Variants in ZHX2 observed in about 807,000 individuals in gnomAD.
ZHX2 encodes zinc fingers and homeoboxes 2.
A neutral mutation model predicts 21.9 loss-of-function variants in ZHX2; 6 were observed. That is an observed-to-expected ratio of 0.27 (90% CI 0.15 to 0.54). The LOEUF (loss-of-function observed/expected upper bound fraction) is 0.54. Ranked by LOEUF, ZHX2 falls within the 20% of genes least tolerant of loss-of-function variation. The pLI, the probability that ZHX2 is intolerant of heterozygous loss-of-function variation, is 0.95. For missense variants in ZHX2, 908 were observed against 1,090.7 expected, an observed-to-expected ratio of 0.83 and a Z score of 2.36; for synonymous variants, 434 against 437.1, an observed-to-expected ratio of 0.99 and a Z score of 0.09.
intron 1 of ZHX2, among the ~76,000 whole-genome samples, chr8:122,859,188 T>C (rs1460448298): frequency 6.6e-6 from 1 of 152,222 alleles, no homozygotes; most frequent in Non-Finnish European, 1.5e-5. Context: ...CCTTCCAGCA[T>C]GCTGCTTAGT....
chr8:122,930,208 T>A (rs1191423462), intron 2 of ZHX2, among the ~76,000 whole-genome samples: 1 of 152,140 alleles, frequency 6.6e-6, no homozygotes, highest in Non-Finnish European at 1.5e-5. Flanking sequence ...TGGGCTGCAA[T>A]GCACACTCAA....
chr8:122,954,232 T>C (rs956389096), intron 3 of ZHX2, among the ~76,000 whole-genome samples: 6 of 152,242 alleles, frequency 3.9e-5, no homozygotes, highest in African/African-American at 1.4e-4. Flanking sequence ...GATGGCTCAG[T>C]TAAGCTGATT....
intron 2 of ZHX2, among the ~76,000 whole-genome samples, chr8:122,878,607 GC>G (rs957690960): frequency 1.3e-5 from 2 of 152,136 alleles, no homozygotes; most frequent in African/African-American, 4.8e-5. Flanking sequence ...TCAGGTCTTG[GC>G]TTGCATCACA....
intron 3 of ZHX2, among the ~76,000 whole-genome samples, chr8:122,972,723 C>T (rs571595057): frequency 3.3e-5 from 5 of 152,284 alleles, no homozygotes; most frequent in East Asian, 1.9e-4. Context: ...TGTACATCAA[C>T]GCATGGCATC....
Position 122,946,841 on chromosome 8 carries a change from C to T in ZHX2, c.-219-4451C>T, listed in dbSNP as rs949551442. On this transcript the variant is annotated intron_variant, in intron 2 of 3. Transcript: ENST00000314393. ...TACAGAGTTCTTCCACTCATGTAAC[C>T]CCAACACACATGTTCACACGTGTGC... Among the ~76,000 whole-genome samples the T allele has an allele frequency of 2.0e-5, 3 of 152,038 alleles. No homozygotes were observed. In the East Asian group the frequency reaches 5.8e-4, roughly 29 times the overall value.
In ZHX2 at chr8:122,828,211, G is replaced by A. The variant is rs983703706; in HGVS notation, c.-282-35266G>A. ...AGCAGAGGCGAGTGCAGCGTATATG[G>A]AACAAAAGCACCCCTGTGGAGTGGA... On this transcript the variant is annotated intron_variant, in intron 1 of 3. Coordinates refer to ENST00000314393, the MANE Select transcript of ZHX2 (RefSeq NM_014943.5). This position sits in a 1 kb window ranked among gnomAD's most constrained non-coding sequence, Gnocchi z 5.2. Among the ~76,000 whole-genome samples, 3 of 152,174 alleles carry A rather than the reference G, an allele frequency of 2.0e-5. No homozygotes were observed. Among genetic ancestry groups the A allele is most frequent in the African/African-American group, 4.8e-5 (2 of 41,440 alleles).
chr8:122,821,328 G>A (rs1472388666), intron 1 of ZHX2, among the ~76,000 whole-genome samples: 5 of 152,184 alleles, frequency 3.3e-5, no homozygotes, highest in Non-Finnish European at 1.5e-5. Flanking sequence ...GCTTGTTGGG[G>A]GCTGGGCCAG....
At chr8:122,955,839 A>ATT (rs540333833) in intron 3 of ZHX2, among the ~76,000 whole-genome samples, 6,445 of 104,788 alleles carry the variant, frequency 0.062, 590 homozygotes, top group African/African-American at 0.18. Context: ...TGAGGGAGTG[A>ATT]TTTTTTTTTT....
chr8:122,930,644 GTT>G (rs78138664), intron 2 of ZHX2, among the ~76,000 whole-genome samples: 1 of 141,640 alleles, frequency 7.1e-6, no homozygotes, highest in African/African-American at 2.6e-5. Context: ...GCTAATTTTT[GTT>G]TTTTTTTTTT....
chr8:122,927,149 C>T (rs939032015), intron 2 of ZHX2, among the ~76,000 whole-genome samples: 13 of 152,240 alleles, frequency 8.5e-5, no homozygotes, highest in Non-Finnish European at 8.8e-5. Flanking sequence ...AGTGACATAG[C>T]GAATGAATCA....
At chr8:122,969,859 G>A (rs6470127) in intron 3 of ZHX2, among the ~76,000 whole-genome samples, 109,736 of 152,176 alleles carry the variant, frequency 0.72, 40,470 homozygotes, top group African/African-American at 0.88. Flanking sequence ...ATTAAAGAGA[G>A]ACAGAAACAG....
intron 2 of ZHX2, among the ~76,000 whole-genome samples, chr8:122,924,106 C>A (rs763143514): frequency 1.1e-4 from 17 of 152,180 alleles, no homozygotes; most frequent in Non-Finnish European, 1.9e-4. Flanking sequence ...CCTAGGACTG[C>A]TGTAACAAAG....
chr8:122,841,290 C>T (rs901656831), intron 1 of ZHX2, among the ~76,000 whole-genome samples: 7 of 152,158 alleles, frequency 4.6e-5, no homozygotes, highest in South Asian at 4.1e-4. Context: ...CGGTGACTTC[C>T]GCCTGGTTTA....
chr8:122,829,958 G>A (rs1357730851), intron 1 of ZHX2, among the ~76,000 whole-genome samples: 1 of 152,180 alleles, frequency 6.6e-6, no homozygotes, highest in East Asian at 1.9e-4. Context: ...ATTGAGGGAC[G>A]GAAGCATGTT....
At chr8:122,897,110 C>T (rs1211979676) in intron 2 of ZHX2, among the ~76,000 whole-genome samples, 1 of 152,200 alleles carries the variant, frequency 6.6e-6, no homozygotes, top group African/African-American at 2.4e-5. Flanking sequence ...GGAGCCTGCT[C>T]AAATAGGAGC....
At chr8:122,838,734 C>T (rs1304204165) in intron 1 of ZHX2, among the ~76,000 whole-genome samples, 1 of 151,988 alleles carries the variant, frequency 6.6e-6, no homozygotes, top group African/African-American at 2.4e-5. Context: ...CGTGCCACTA[C>T]ACCCAGCTAA....
intron 1 of ZHX2, among the ~76,000 whole-genome samples, chr8:122,803,618 C>T (rs889555483): frequency 1.2e-4 from 19 of 152,242 alleles, no homozygotes; most frequent in Non-Finnish European, 1.0e-4. Flanking sequence ...AATGTGCCCT[C>T]GGGGACGAAA....
intron 2 of ZHX2, among the ~76,000 whole-genome samples, chr8:122,919,461 G>A (rs997233365): frequency 3.9e-5 from 6 of 152,248 alleles, no homozygotes; most frequent in East Asian, 1.9e-4. Flanking sequence ...TACATACTAA[G>A]TACTCCTTTT....
chr8:122,787,376 C>T (rs1016401502), intron 1 of ZHX2, among the ~76,000 whole-genome samples: 6 of 152,186 alleles, frequency 3.9e-5, no homozygotes, highest in African/African-American at 1.4e-4. Context: ...TGGTATTTAA[C>T]ACATAACAGA....
Sources: allele counts gnomAD v4.1 joint callset (sites outside exome capture counted in the v4.1 genomes callset), GRCh38; gene constraint gnomAD v4.1.1; non-coding constraint Gnocchi (gnomAD v3.1); transcripts MANE v1.5; gene names NCBI Gene and HGNC (gene_info 2026-07-23, HGNC 2026-07-21).